The following CLTC variants were observed in gnomAD, a reference collection of about 807,000 sequenced individuals.
CLTC encodes the protein clathrin heavy chain 1.
Under a neutral mutation model 195.8 loss-of-function variants are expected in CLTC, and 16 were observed. The ratio of observed to expected loss-of-function variants is 0.08; its 90% CI spans 0.06 to 0.12. CLTC has a LOEUF of 0.12. Ranked by LOEUF, CLTC falls within the 10% of genes least tolerant of loss-of-function variation. The pLI is 1.00. For synonymous variants in CLTC, 667 were observed against 689.4 expected (o/e 0.97, Z 0.51); for missense variants, 796 against 2,027.0 (o/e 0.39, Z 11.66).
chr17:59,646,191 T>C (rs571991811), intron 2 of CLTC, among the ~76,000 whole-genome samples: 2 of 152,238 alleles, frequency 1.3e-5, no homozygotes, highest in South Asian at 2.1e-4. Flanking sequence ...ACCCCACTTA[T>C]GTATATATTC....
intron 13 of CLTC, 194 bp downstream of exon 13, chr17:59,667,171 C>G (rs1482920241): frequency 2.5e-6 from 1 of 398,766 alleles, no homozygotes; most frequent in Non-Finnish European, 4.5e-6. Flanking sequence ...TGAACCAGAC[C>G]ATCTGTTTGG....
In CLTC at chr17:59,677,051, A is replaced by C; in HGVS notation, c.2659A>C (p.Asn887His). Residue 887 changes from asparagine to histidine, a missense_variant, in exon 17 of 32, where the codon AAT becomes CAT. This residue lies in a region of CLTC where 160 missense variants were observed against 448.2 expected (regional missense o/e 0.36). Transcript: ENST00000269122. ...NALAKIYIDS[N>H]NNPERFLREN... ...CTTAGCCAAAATCTACATAGACAGT[A>C]ATAACAACCCGGAGAGATTTCTTCG... 1 of 1,614,144 alleles carries C rather than the reference A, an allele frequency of 6.2e-7. No homozygotes were observed. The highest frequency in any genetic ancestry group is 8.5e-7 in the Non-Finnish European group (1 of 1,180,010).
chr17:59,686,899 T>G (rs1368360476), intron 30 of CLTC: 1 of 627,680 alleles, frequency 1.6e-6, no homozygotes, highest in Non-Finnish European at 2.0e-6. Flanking sequence ...TTTTTAGTGG[T>G]TAGATGTTTC....
intron 1 of CLTC, among the ~76,000 whole-genome samples, chr17:59,622,071 G>A (rs1287602108): frequency 6.6e-6 from 1 of 152,100 alleles, no homozygotes; most frequent in Non-Finnish European, 1.5e-5. Context: ...CCAAAGATTC[G>A]AACCCAACCT....
chr17:59,657,086 T>G (rs1241919606), intron 6 of CLTC, among the ~76,000 whole-genome samples: 2 of 152,198 alleles, frequency 1.3e-5, no homozygotes, highest in African/African-American at 4.8e-5. Flanking sequence ...TTCTTCCAAA[T>G]TAGTATTTTT....
Position 59,683,974 on chromosome 17 carries a change from G to C in CLTC, c.4423G>C (p.Glu1475Gln). Residue 1475 changes from glutamate (E) to glutamine (Q), a missense_variant, in exon 28 of 32, where the codon GAA becomes CAA. By Grantham distance (29) the Glu-to-Gln change is conservative (BLOSUM62 2). Around this residue, in one of 9 missense-constraint regions of CLTC, gnomAD observed 148 missense variants for 279.5 expected, o/e 0.53. Transcript: ENST00000269122. The surrounding 1 kb of genome is among the most constrained non-coding windows in gnomAD (Gnocchi z 6.1). ...ATTGAACAATCTTTTTATTACAGAA[G>C]AAGATTATCAGGTAAAACCTTTTGA... The part of the protein sequence containing the change: ...ESLNNLFITE[E>Q]DYQALRTSID... The C allele has an allele frequency of 6.3e-7, 1 of 1,576,076 alleles. No homozygotes were observed. Among genetic ancestry groups the C allele is most frequent in the Non-Finnish European group, 8.7e-7 (1 of 1,145,636 alleles).
intron 31 of CLTC, 169 bp downstream of exon 31, chr17:59,690,880 A>G: frequency 2.2e-6 from 1 of 450,386 alleles, no homozygotes. Flanking sequence ...GCAGGTGTTG[A>G]TATTATTCAC....
chr17:59,677,402 C>CCACTAGCCTTACCATTTGTGTT (rs2032989856), intron 17 of CLTC, among the ~76,000 whole-genome samples: 1 of 152,124 alleles, frequency 6.6e-6, no homozygotes. Flanking sequence ...TGTTTTAACC[C>CCACTAGCCTTACCATTTGTGTT]CACTAGCCTT....
At chr17:59,684,392 G>C in intron 28 of CLTC, 1 of 177,144 alleles carries the variant, frequency 5.6e-6, no homozygotes, top group South Asian at 1.2e-4. Context: ...AAGTGAAGTA[G>C]AGTTAAGCTT....
chr17:59,686,141 G>A (rs182370987), intron 30 of CLTC, among the ~76,000 whole-genome samples: 8 of 152,028 alleles, frequency 5.3e-5, no homozygotes, highest in Admixed American at 5.2e-4. Context: ...GACTAGTATT[G>A]TAGATTCCCT....
chr17:59,689,439 G>C (rs952296934), intron 30 of CLTC: 6 of 151,274 alleles, frequency 4.0e-5, no homozygotes, highest in African/African-American at 1.5e-4. Flanking sequence ...TTTTTTGAGT[G>C]ATTTTTCATA....
intron 1 of CLTC, among the ~76,000 whole-genome samples, chr17:59,641,124 AAAAAC>A (rs2032018980): frequency 6.6e-6 from 1 of 151,732 alleles, no homozygotes; most frequent in Non-Finnish European, 1.5e-5. Context: ...TTTCAAAAAA[AAAAAC>A]AAAAAACTTG....
At chr17:59,664,644 G>C in intron 9 of CLTC, 143 bp from the exon 10 acceptor site, 1 of 716,608 alleles carries the variant, frequency 1.4e-6, no homozygotes, top group South Asian at 2.7e-5. Context: ...CATCACCAAG[G>C]TCTAACTGGG....
intron 30 of CLTC, among the ~76,000 whole-genome samples, chr17:59,688,275 A>C (rs2033227291): frequency 6.6e-6 from 1 of 152,136 alleles, no homozygotes; most frequent in Non-Finnish European, 1.5e-5. Flanking sequence ...TTCTTGCTTC[A>C]GTACTTTTGC....
intron 1 of CLTC, among the ~76,000 whole-genome samples, chr17:59,637,735 G>T (rs373770234): frequency 6.7e-6 from 1 of 149,774 alleles, no homozygotes; most frequent in Non-Finnish European, 1.5e-5. Context: ...GCATGGTGGC[G>T]TATGGGTGGT....
At position 59,651,139 on chromosome 17, in the gene CLTC, TAAAG is replaced by T. The variant is rs1222149153; in HGVS notation, c.682-63_682-60del. 5 of 1,002,428 alleles carry T rather than the reference TAAAG, an allele frequency of 5.0e-6. No individual in the cohort carries two copies. The African/African-American group carries it at 8.1e-5, about 16-fold the overall frequency. 62.1% of individuals were successfully genotyped at this position (1,002,428 alleles called of 1,614,324 possible). A position where few individuals can be genotyped will look rare whatever the true frequency, so the allele number is the denominator to read the frequency against. On this transcript the variant is annotated intron_variant, in intron 4 of 31. Coordinates refer to ENST00000269122, the MANE Select transcript of CLTC (RefSeq NM_004859.4). ...GTTGTTTCCATTTGGGGGCTACAAA[TAAAG>T]CTGCTGTGATCAACTGCTAATGTAT...
chr17:59,690,960 A>G (rs1380432430), intron 31 of CLTC: 1 of 390,204 alleles, frequency 2.6e-6, no homozygotes, highest in African/African-American at 2.1e-5. Flanking sequence ...CTTTCCTATC[A>G]TCTGGTCCCT....
intron 6 of CLTC, chr17:59,658,623 A>G (rs1277955305): frequency 1.3e-5 from 2 of 152,388 alleles, no homozygotes; most frequent in East Asian, 1.9e-4. Flanking sequence ...TTAAAGTGAT[A>G]TTATAGTCAA....
intron 2 of CLTC, chr17:59,646,041 T>C: frequency 1.3e-6 from 1 of 787,454 alleles, no homozygotes; most frequent in South Asian, 5.8e-5. Flanking sequence ...TAAATTAGAT[T>C]GTATTAGTTA....
Sources: allele counts gnomAD v4.1 joint callset (sites outside exome capture counted in the v4.1 genomes callset), GRCh38; gene constraint gnomAD v4.1.1; regional missense constraint gnomAD v4.1.1; non-coding constraint Gnocchi (gnomAD v3.1); transcripts MANE v1.5; gene names NCBI Gene and HGNC (gene_info 2026-07-23, HGNC 2026-07-21).